Variants in CREB3L2 observed in about 807,000 individuals in gnomAD.
The protein encoded by CREB3L2 is cAMP responsive element binding protein 3 like 2, also known as cyclic AMP-responsive element-binding protein 3-like protein 2.
CREB3L2 carries 23 observed loss-of-function variants against 57.2 expected under a neutral mutation model. That is an observed-to-expected ratio of 0.40 (90% CI 0.29 to 0.57). CREB3L2 has a LOEUF of 0.57. CREB3L2 is among the 20% of genes least tolerant of loss of function. The pLI is 0.42. For synonymous variants in CREB3L2, 268 were observed against 265.1 expected (o/e 1.01, Z -0.11); for missense variants, 628 against 634.7 (o/e 0.99, Z 0.11).
intron 1 of CREB3L2, among the ~76,000 whole-genome samples, chr7:137,930,543 T>C (rs1184084756): frequency 6.6e-6 from 1 of 152,226 alleles, no homozygotes; most frequent in Non-Finnish European, 1.5e-5. Context: ...TAGAACAGGA[T>C]GCTTCCTTTA....
At chr7:137,926,893 A>C (rs546564990) in intron 2 of CREB3L2, among the ~76,000 whole-genome samples, 1 of 152,340 alleles carries the variant, frequency 6.6e-6, no homozygotes, top group East Asian at 1.9e-4. Flanking sequence ...TCATGCCTAT[A>C]ATCCTAGCAC....
At chr7:137,979,508 G>A (rs1442743255) in intron 1 of CREB3L2, among the ~76,000 whole-genome samples, 10 of 152,062 alleles carry the variant, frequency 6.6e-5, no homozygotes, top group Admixed American at 6.5e-5. Context: ...GGCGGATCAC[G>A]AGGTCAGGAG....
chr7:137,913,133 A>C (rs1800052665), intron 3 of CREB3L2, 55 bp from the exon 4 acceptor site: 9 of 1,559,052 alleles, frequency 5.8e-6, no homozygotes, highest in Non-Finnish European at 7.9e-6. Flanking sequence ...CCTTGAAGAC[A>C]CATGCAGGAG....
rs759628353 is a variant in CREB3L2 at position 137,904,019 on chromosome 7, TGA to T, written c.916-4_916-3del. 8.1e-6 allele frequency: 13 copies of T among 1,611,318 alleles called. No homozygotes were observed. Among genetic ancestry groups the T allele is most frequent in the South Asian group, 1.1e-5 (1 of 91,022 alleles). Reference sequence around the variant, plus strand: ...TCTCCTACTTTCCTGAGCAGAAATCTGAGAGAGAGGAGTGGGAGGAGAATGAT... The same window carrying T: ...TCTCCTACTTTCCTGAGCAGAAATCTGAGAGAGGAGTGGGAGGAGAATGAT... On this transcript the variant is annotated splice_region_variant and splice_polypyrimidine_tract_variant and intron_variant, in intron 6 of 11. Transcript: ENST00000330387.
chr7:137,933,398 G>C (rs919615326), intron 1 of CREB3L2, among the ~76,000 whole-genome samples: 15 of 152,112 alleles, frequency 9.9e-5, no homozygotes, highest in Non-Finnish European at 1.5e-4. Context: ...AGTTGCCCAG[G>C]TTGGCGCACT....
At chr7:137,908,100 G>A in intron 5 of CREB3L2, 152 bp downstream of exon 5, 2 of 474,592 alleles carry the variant, frequency 4.2e-6, no homozygotes, top group Non-Finnish European at 7.1e-6. Context: ...GTGTTCTTTA[G>A]GGTTGACATC....
Position 137,875,975 on chromosome 7 carries a change from TTAA to T in CREB3L2, c.*4498_*4500del, listed in dbSNP as rs1342423027. The T allele has an allele frequency of 8.8e-6, 2 of 227,264 alleles. No individual in the cohort carries two copies. Among genetic ancestry groups the T allele is most frequent in the Admixed American group, 1.1e-4 (2 of 17,606 alleles). The allele number at this position is 227,264 out of a possible 1,614,324, so 14.1% of individuals were successfully genotyped here. A position where few individuals can be genotyped will look rare whatever the true frequency, so the allele number is the denominator to read the frequency against. ...CCTTTGACCACAAAGGCATGGAACA[TTAA>T]TCTTCAAATGAGCCAGGTTCCTTTG... On this transcript the variant is annotated 3_prime_UTR_variant, in exon 12 of 12. Coordinates refer to ENST00000330387, the MANE Select transcript of CREB3L2 (RefSeq NM_194071.4).
chr7:137,914,639 A>G (rs1479534004), intron 3 of CREB3L2, among the ~76,000 whole-genome samples: 1 of 152,166 alleles, frequency 6.6e-6, no homozygotes, highest in Non-Finnish European at 1.5e-5. Context: ...TTCAAAAAAA[A>G]AAGTAATAAA....
chr7:137,875,888 TTA>T lies in CREB3L2; in HGVS notation c.*4586_*4587del. 4.4e-6 allele frequency: 1 copy of T among 225,246 alleles called. No individual in the cohort carries two copies. Among genetic ancestry groups the T allele is most frequent in the East Asian group, 6.5e-5 (1 of 15,492 alleles). 14.0% of individuals were successfully genotyped at this position (225,246 alleles called of 1,614,324 possible). ...AGGCTAAATAAAACATTCCTGAATTTTATGTTGTCCAAAATAACAAAACAAAA... is the reference window on the plus strand; with the variant it reads ...AGGCTAAATAAAACATTCCTGAATTTTGTTGTCCAAAATAACAAAACAAAA... On this transcript the variant is annotated 3_prime_UTR_variant, in exon 12 of 12. Transcript: ENST00000330387.
At chr7:137,951,815 T>C (rs1801107357) in intron 1 of CREB3L2, among the ~76,000 whole-genome samples, 1 of 152,130 alleles carries the variant, frequency 6.6e-6, no homozygotes, top group South Asian at 2.1e-4. Flanking sequence ...AGGGAGACTC[T>C]GTCTCTACCA....
chr7:137,922,413 T>TATATATATATATATAC (rs1800326634), intron 2 of CREB3L2, among the ~76,000 whole-genome samples: 1 of 21,118 alleles, frequency 4.7e-5, no homozygotes, highest in African/African-American at 2.0e-4. Context: ...TATATATATA[T>TATATATATATATATAC]ATGTATATAT....
intron 8 of CREB3L2, among the ~76,000 whole-genome samples, chr7:137,896,867 A>C (rs1370979190): frequency 1.3e-5 from 2 of 152,226 alleles, no homozygotes; most frequent in African/African-American, 4.8e-5. Context: ...AGCCAGACAA[A>C]GACAAATACT....
chr7:137,983,714 A>G (rs1801747731), intron 1 of CREB3L2, among the ~76,000 whole-genome samples: 1 of 152,110 alleles, frequency 6.6e-6, no homozygotes, highest in African/African-American at 2.4e-5. Flanking sequence ...CATTGTTCGC[A>G]TACCTCTCTG....
chr7:137,982,108 G>T (rs1490693461), intron 1 of CREB3L2, among the ~76,000 whole-genome samples: 1 of 152,164 alleles, frequency 6.6e-6, no homozygotes, highest in African/African-American at 2.4e-5. Context: ...TACTTTAGAG[G>T]TACAGTCTCT....
At chr7:137,993,825 T>C (rs754306417) in intron 1 of CREB3L2, among the ~76,000 whole-genome samples, 2 of 152,242 alleles carry the variant, frequency 1.3e-5, no homozygotes, top group African/African-American at 4.8e-5. Flanking sequence ...CATGAGGGTA[T>C]AGAAGAGACA....
At chr7:137,889,045 C>T (rs887113718) in intron 8 of CREB3L2, among the ~76,000 whole-genome samples, 4 of 152,118 alleles carry the variant, frequency 2.6e-5, no homozygotes, top group African/African-American at 9.7e-5. Flanking sequence ...GTACTTCCTC[C>T]CTGCCCATCC....
chr7:137,896,451 G>A (rs1029391984), intron 8 of CREB3L2, among the ~76,000 whole-genome samples: 6 of 152,082 alleles, frequency 3.9e-5, no homozygotes, highest in Non-Finnish European at 8.8e-5. Context: ...ACAGGCACAC[G>A]CCACCACGCC....
chr7:137,922,469 TACACAC>T lies in CREB3L2; in HGVS notation c.319+5675_319+5680del, dbSNP rs1563253487. The T allele has an allele frequency of 5.2e-4, 69 of 132,770 alleles. 3 individuals are homozygous for T. Among genetic ancestry groups the T allele is most frequent in the African/African-American group, 2.8e-3 (64 of 23,020 alleles). The allele number at this position is 132,770 out of a possible 1,614,324, so 8.2% of individuals were successfully genotyped here. On this transcript the variant is annotated intron_variant, in intron 2 of 11. Coordinates refer to ENST00000330387, the MANE Select transcript of CREB3L2 (RefSeq NM_194071.4). ...ATATATATATACACACATATATATA[TACACAC>T]ATATATATATACACACACACACACA...
chr7:137,978,819 G>A (rs1801656575), intron 1 of CREB3L2, among the ~76,000 whole-genome samples: 1 of 152,202 alleles, frequency 6.6e-6, no homozygotes, highest in African/African-American at 2.4e-5. Context: ...TGGGCACAGA[G>A]TGCGGCTCAG....
Sources: allele counts gnomAD v4.1 joint callset (sites outside exome capture counted in the v4.1 genomes callset), GRCh38; gene constraint gnomAD v4.1.1; transcripts MANE v1.5; gene names NCBI Gene and HGNC (gene_info 2026-07-23, HGNC 2026-07-21).